PM20D2: variants seen among roughly 807,000 people sequenced by gnomAD.
The protein encoded by PM20D2 is peptidase M20 domain containing 2.
PM20D2 carries 33 observed loss-of-function variants against 42.9 expected under a neutral mutation model. That is an observed-to-expected ratio of 0.77 (90% CI 0.58 to 1.03). The LOEUF (loss-of-function observed/expected upper bound fraction) is 1.03. Among genes scored for constraint, PM20D2 ranks in the 50% least tolerant of loss-of-function variants. The pLI is 0.00. For missense variants in PM20D2, 548 were observed against 557.0 expected (o/e 0.98, Z 0.16); for synonymous variants, 250 against 228.2 (o/e 1.10, Z -0.86).
At chr6:89,125,047 T>A in the PM20D2 span, among the ~76,000 whole-genome samples, 1 of 152,078 alleles carries the variant, frequency 6.6e-6, no homozygotes, top group Admixed American at 6.6e-5. Flanking sequence ...CCATCAAGAT[T>A]TTTTAAGCAG....
At chr6:89,094,121 A>G in the PM20D2 span, among the ~76,000 whole-genome samples, 1 of 151,626 alleles carries the variant, frequency 6.6e-6, no homozygotes, top group African/African-American at 2.4e-5. Flanking sequence ...GGGTTTCACC[A>G]TGTTGGCCAT....
chr6:89,108,867 T>C, the PM20D2 span, among the ~76,000 whole-genome samples: 9 of 152,196 alleles, frequency 5.9e-5, no homozygotes, highest in Non-Finnish European at 1.3e-4. Context: ...AAATTACATA[T>C]AAGATTCAAC....
the PM20D2 span, among the ~76,000 whole-genome samples, chr6:89,095,284 G>C: frequency 1.4e-3 from 219 of 152,266 alleles, 1 homozygote; most frequent in African/African-American, 5.2e-3. Context: ...TGAGTATAGT[G>C]ACACCATCTC....
At chr6:89,152,794 TA>T (rs887555669) in intron 2 of PM20D2, among the ~76,000 whole-genome samples, 38 of 152,158 alleles carry the variant, frequency 2.5e-4, no homozygotes, top group African/African-American at 8.9e-4. Flanking sequence ...AGATTGTGTA[TA>T]CATTTAATCT....
the PM20D2 span, among the ~76,000 whole-genome samples, chr6:89,132,502 T>C: frequency 6.6e-6 from 1 of 151,320 alleles, no homozygotes; most frequent in Admixed American, 6.6e-5. Context: ...TGAATTCTTT[T>C]GAAATTAATT....
chr6:89,094,495 G>C, the PM20D2 span, among the ~76,000 whole-genome samples: 1 of 152,154 alleles, frequency 6.6e-6, no homozygotes, highest in Admixed American at 6.5e-5. Flanking sequence ...AAAGTGCTGG[G>C]ATTACAGGCA....
the PM20D2 span, among the ~76,000 whole-genome samples, chr6:89,124,730 G>GT: frequency 3.4e-5 from 2 of 58,090 alleles, no homozygotes; most frequent in Non-Finnish European, 7.8e-5. Flanking sequence ...TGTTGTTGCT[G>GT]TTGTTGTTTT....
At position 89,146,224 on chromosome 6, in the gene PM20D2, C is replaced by T. The variant is rs773699077; in HGVS notation, c.80C>T (p.Ser27Leu). The T allele has an allele frequency of 5.7e-6, 9 of 1,577,684 alleles. No individual in the cohort carries two copies. The highest frequency in any genetic ancestry group is 1.7e-5 in the Admixed American group (1 of 58,396). ...RSELELLKLR[S>L]AECIDEAAER... ...GAGCTGGAGCTACTGAAGCTGCGCT[C>T]GGCGGAGTGCATCGACGAGGCGGCC... The change falls in exon 1 of 7, where the codon TCG becomes TTG. Residue 27 changes from serine to leucine, a missense_variant. Physicochemically the swap from Ser to Leu is moderately radical, Grantham distance 145. Coordinates refer to ENST00000275072, the MANE Select transcript of PM20D2 (RefSeq NM_001010853.3).
chr6:89,098,500 C>A, the PM20D2 span: 1 of 1,483,854 alleles, frequency 6.7e-7, no homozygotes, highest in Non-Finnish European at 8.9e-7. Flanking sequence ...TTCTGTATGC[C>A]TTAAAGAATT....
the PM20D2 span, among the ~76,000 whole-genome samples, chr6:89,127,874 A>G: frequency 6.6e-6 from 1 of 152,242 alleles, no homozygotes; most frequent in East Asian, 1.9e-4. Context: ...TTTCATGGAC[A>G]TTTATCAATT....
the PM20D2 span, among the ~76,000 whole-genome samples, chr6:89,129,588 A>ATT: frequency 0.043 from 4,556 of 106,618 alleles, 164 homozygotes; most frequent in African/African-American, 0.078. Flanking sequence ...TCTGTTTCTA[A>ATT]TTTTTTTTTT....
intron 3 of PM20D2, among the ~76,000 whole-genome samples, chr6:89,153,932 A>G (rs1004102336): frequency 3.3e-5 from 5 of 152,156 alleles, no homozygotes; most frequent in Non-Finnish European, 5.9e-5. Context: ...TTATATATAT[A>G]TATCACCATA....
chr6:89,160,916 C>G (rs934697960), intron 5 of PM20D2, among the ~76,000 whole-genome samples: 2 of 151,596 alleles, frequency 1.3e-5, no homozygotes, highest in Non-Finnish European at 1.5e-5. Context: ...TGGTGAGTGT[C>G]TAGAGCGGCT....
At chr6:89,136,633 G>A in the PM20D2 span, among the ~76,000 whole-genome samples, 135 of 150,908 alleles carry the variant, frequency 8.9e-4, 2 homozygotes, top group Non-Finnish European at 1.6e-3. Context: ...AGCTAAGATC[G>A]CGCCACTGCA....
chr6:89,142,387 T>C (rs1275892312), upstream of PM20D2, among the ~76,000 whole-genome samples: 1 of 152,150 alleles, frequency 6.6e-6, no homozygotes, highest in East Asian at 1.9e-4. Context: ...AAATGACCAG[T>C]ATACCAAAGT....
intron 4 of PM20D2, among the ~76,000 whole-genome samples, chr6:89,155,289 G>C (rs890304862): frequency 1.9e-5 from 2 of 104,378 alleles, no homozygotes; most frequent in Non-Finnish European, 4.0e-5. Flanking sequence ...TTTTTTTGGT[G>C]GGGGGACAGG....
the PM20D2 span, among the ~76,000 whole-genome samples, chr6:89,134,514 A>G: frequency 2.0e-5 from 3 of 151,166 alleles, no homozygotes; most frequent in Non-Finnish European, 4.4e-5. Context: ...GTGGGATATC[A>G]TAGTAGTTAC....
At chr6:89,126,265 C>T in the PM20D2 span, among the ~76,000 whole-genome samples, 1 of 151,836 alleles carries the variant, frequency 6.6e-6, no homozygotes, top group Admixed American at 6.6e-5. Flanking sequence ...TGTGGTGACA[C>T]GCATCTGTAG....
At chr6:89,094,460 T>A in the PM20D2 span, among the ~76,000 whole-genome samples, 1 of 151,070 alleles carries the variant, frequency 6.6e-6, no homozygotes, top group African/African-American at 2.4e-5. Context: ...CCTCAAATGA[T>A]CTGCCCCACC....
Sources: gnomAD v4.1 joint callset for allele counts (sites outside exome capture counted in the v4.1 genomes callset) on GRCh38, gnomAD v4.1.1 for gene constraint, MANE v1.5 for transcripts, NCBI Gene and HGNC (gene_info 2026-07-23, HGNC 2026-07-21) for gene names.